ZFPM2: variants seen among roughly 807,000 people sequenced by gnomAD.
The protein encoded by ZFPM2 is zinc finger protein ZFPM2.
Under a neutral mutation model 98.6 loss-of-function variants are expected in ZFPM2, and 20 were observed. The ratio of observed to expected loss-of-function variants is 0.20; its 90% CI spans 0.14 to 0.29. ZFPM2 has a LOEUF of 0.29. ZFPM2 is among the 10% of genes least tolerant of loss of function. ZFPM2 has a pLI of 1.00. For missense variants in ZFPM2, 1,310 were observed against 1,388.6 expected (o/e 0.94, Z 0.90); for synonymous variants, 518 against 502.7 (o/e 1.03, Z -0.41).
chr8:105,693,493 G>C (rs921890890), intron 5 of ZFPM2, among the ~76,000 whole-genome samples: 1 of 152,148 alleles, frequency 6.6e-6, no homozygotes, highest in Non-Finnish European at 1.5e-5. Context: ...TACACTACAT[G>C]CCCAACATTT....
At chr8:105,620,576 C>T (rs564295934) in intron 4 of ZFPM2, among the ~76,000 whole-genome samples, 25 of 152,220 alleles carry the variant, frequency 1.6e-4, no homozygotes, top group Admixed American at 9.8e-4. Context: ...ATTGCCATTG[C>T]TTTTGTGTTT....
chr8:105,321,296 C>A (rs1226265290), intron 1 of ZFPM2, among the ~76,000 whole-genome samples: 4 of 152,210 alleles, frequency 2.6e-5, no homozygotes, highest in African/African-American at 7.2e-5. Context: ...TCTCTCCCCC[C>A]AGTTTTAGTA....
rs565506636 is a variant in ZFPM2, at chr8:105,444,963, A to G, written c.301+582A>G. 3.9e-5 allele frequency among the ~76,000 whole-genome samples: 6 copies of G among 152,332 alleles called. No homozygotes were observed. In the East Asian group the frequency reaches 9.6e-4, roughly 24 times the overall value. On this transcript the variant is annotated intron_variant, in intron 3 of 7. Transcript: ENST00000407775. ...CACCAATATAAATGTATGTAAATAT[A>G]TAACAGTCAAAAGAACTCTGCAGAA...
chr8:105,534,573 G>A (rs1197474443), intron 3 of ZFPM2, among the ~76,000 whole-genome samples: 1 of 151,792 alleles, frequency 6.6e-6, no homozygotes, highest in Non-Finnish European at 1.5e-5. Flanking sequence ...CTGAGGGAAA[G>A]CTTAAAAAGC....
At chr8:105,620,484 T>C (rs1327886385) in intron 4 of ZFPM2, among the ~76,000 whole-genome samples, 6 of 152,288 alleles carry the variant, frequency 3.9e-5, no homozygotes, top group Middle Eastern at 6.8e-3. Flanking sequence ...CTGTAGGTTG[T>C]CTGTTCACTC....
chr8:105,734,340 A>G (rs1440234951), intron 5 of ZFPM2, among the ~76,000 whole-genome samples: 1 of 151,944 alleles, frequency 6.6e-6, no homozygotes, highest in African/African-American at 2.4e-5. Context: ...TTATAAGCAA[A>G]GAATACTATA....
At chr8:105,621,458 C>T (rs1816544358) in intron 4 of ZFPM2, among the ~76,000 whole-genome samples, 1 of 152,136 alleles carries the variant, frequency 6.6e-6, no homozygotes, top group Admixed American at 6.5e-5. Context: ...AATATACAAT[C>T]ATGTCATCTG....
At chr8:105,560,174 A>G (rs1373286980) in intron 3 of ZFPM2, among the ~76,000 whole-genome samples, 2 of 84,622 alleles carry the variant, frequency 2.4e-5, no homozygotes, top group Non-Finnish European at 4.2e-5. Flanking sequence ...TGTCTCAAAA[A>G]AAAAAAAAAA....
At chr8:105,543,312 T>G (rs1814620674) in intron 3 of ZFPM2, among the ~76,000 whole-genome samples, 1 of 151,980 alleles carries the variant, frequency 6.6e-6, no homozygotes, top group Admixed American at 6.6e-5. Flanking sequence ...ACGGTGAAAC[T>G]CCATCTCTAC....
intron 3 of ZFPM2, among the ~76,000 whole-genome samples, chr8:105,529,813 C>T (rs1374502786): frequency 2.0e-5 from 3 of 151,958 alleles, no homozygotes; most frequent in African/African-American, 7.3e-5. Flanking sequence ...TCACTGCAAC[C>T]TCTGCCTCCC....
chr8:105,602,609 C>A (rs1470343321), intron 4 of ZFPM2, among the ~76,000 whole-genome samples: 1 of 151,960 alleles, frequency 6.6e-6, no homozygotes, highest in Admixed American at 6.6e-5. Context: ...AAAGTGAATT[C>A]CTATATTAAA....
chr8:105,572,539 T>A (rs1815380398), intron 4 of ZFPM2, among the ~76,000 whole-genome samples: 1 of 151,398 alleles, frequency 6.6e-6, no homozygotes, highest in Non-Finnish European at 1.5e-5. Context: ...GTGATCTCAG[T>A]TCACCACAAC....
chr8:105,385,712 C>A (rs1810974227), intron 1 of ZFPM2, among the ~76,000 whole-genome samples: 1 of 152,286 alleles, frequency 6.6e-6, no homozygotes, highest in East Asian at 1.9e-4. Flanking sequence ...CAGAAGGACC[C>A]CAGCGATTAC....
At chr8:105,611,215 A>T (rs1231843299) in intron 4 of ZFPM2, among the ~76,000 whole-genome samples, 3 of 152,184 alleles carry the variant, frequency 2.0e-5, no homozygotes, top group Non-Finnish European at 4.4e-5. Flanking sequence ...GCCACTGGAG[A>T]GACTTAAAAA....
intron 3 of ZFPM2, among the ~76,000 whole-genome samples, chr8:105,468,918 C>G (rs1812844668): frequency 6.6e-6 from 1 of 151,872 alleles, no homozygotes; most frequent in African/African-American, 2.4e-5. Context: ...CATTAATCCT[C>G]TTTCCTCTCT....
chr8:105,529,905 A>AT (rs1397025111), intron 3 of ZFPM2, among the ~76,000 whole-genome samples: 3 of 151,770 alleles, frequency 2.0e-5, no homozygotes, highest in Non-Finnish European at 2.9e-5. Flanking sequence ...TAATTTTTCT[A>AT]TTTTTAGTAG....
At chr8:105,747,458 A>G (rs535623874) in intron 5 of ZFPM2, among the ~76,000 whole-genome samples, 14 of 152,240 alleles carry the variant, frequency 9.2e-5, no homozygotes, top group Admixed American at 7.9e-4. Context: ...TTTACCATTC[A>G]TAATGAATGC....
At chr8:105,684,447 G>T (rs1287246205) in intron 5 of ZFPM2, among the ~76,000 whole-genome samples, 2 of 151,940 alleles carry the variant, frequency 1.3e-5, no homozygotes, top group African/African-American at 4.8e-5. Flanking sequence ...AAACAGTCTT[G>T]CAAAATCAAA....
At chr8:105,692,648 C>G (rs1810914686) in intron 5 of ZFPM2, among the ~76,000 whole-genome samples, 1 of 152,254 alleles carries the variant, frequency 6.6e-6, no homozygotes, top group African/African-American at 2.4e-5. Flanking sequence ...TTGGCATTTG[C>G]CTTAGAAATA....
Sources: gnomAD v4.1 joint callset for allele counts (sites outside exome capture counted in the v4.1 genomes callset) on GRCh38, gnomAD v4.1.1 for gene constraint, MANE v1.5 for transcripts, NCBI Gene and HGNC (gene_info 2026-07-23, HGNC 2026-07-21) for gene names.